CSMD1: variants seen among roughly 807,000 people sequenced by gnomAD.
CSMD1 encodes the protein CUB and Sushi multiple domains 1, also known as CUB and sushi domain-containing protein 1.
In CSMD1, 213 loss-of-function variants were observed where a neutral mutation model predicts 417.5. The ratio of observed to expected loss-of-function variants is 0.51; its 90% CI spans 0.46 to 0.57. The LOEUF (loss-of-function observed/expected upper bound fraction) is 0.57. Ranked by LOEUF, CSMD1 falls within the 20% of genes least tolerant of loss-of-function variation. CSMD1 has a pLI of 0.00. For missense variants in CSMD1, 6,923 were observed against 4,529.7 expected (o/e 1.53, Z -15.17); for synonymous variants, 2,862 against 1,736.8 (o/e 1.65, Z -16.11).
In CSMD1 at chr8:4,143,169, T is replaced by C. The variant is rs1338037362; in HGVS notation, c.416-111070A>G. Among the ~76,000 whole-genome samples the C allele has an allele frequency of 3.3e-5, 5 of 151,044 alleles. No homozygotes were observed. The South Asian group carries it at 8.3e-4, about 25-fold the overall frequency. ...AAACAAATGCACTAGCAAATGTGAG[T>C]GTTCAAAACAGGTAAGTGCTGAGAA... On this transcript the variant is annotated intron_variant, in intron 3 of 69. Transcript: ENST00000635120.
At chr8:3,448,953 A>T (rs916691109) in intron 12 of CSMD1, among the ~76,000 whole-genome samples, 1 of 152,248 alleles carries the variant, frequency 6.6e-6, no homozygotes, top group African/African-American at 2.4e-5. Context: ...GTAGGAAAGA[A>T]GGTGACAGCC....
At chr8:4,056,536 A>C (rs936573373) in intron 3 of CSMD1, among the ~76,000 whole-genome samples, 1 of 151,282 alleles carries the variant, frequency 6.6e-6, no homozygotes, top group East Asian at 1.9e-4. Flanking sequence ...TTTCAATTTT[A>C]TTATTATTAT....
intron 54 of CSMD1, among the ~76,000 whole-genome samples, chr8:2,991,991 C>T (rs1806428214): frequency 6.6e-6 from 1 of 152,172 alleles, no homozygotes; most frequent in Non-Finnish European, 1.5e-5. Context: ...TCAGTATAAA[C>T]ATAACAGATT....
intron 10 of CSMD1, among the ~76,000 whole-genome samples, chr8:3,516,566 A>G (rs893532654): frequency 6.6e-6 from 1 of 152,170 alleles, no homozygotes; most frequent in African/African-American, 2.4e-5. Context: ...CTGCTTGAAA[A>G]TCTTTCAGTG....
chr8:4,033,047 A>G (rs537452448), intron 3 of CSMD1, among the ~76,000 whole-genome samples: 5 of 148,060 alleles, frequency 3.4e-5, no homozygotes, highest in African/African-American at 1.3e-4. Context: ...TCTCTTCAAT[A>G]CTTTCTTCTA....
intron 3 of CSMD1, among the ~76,000 whole-genome samples, chr8:4,168,216 C>G (rs539430147): frequency 2.1e-4 from 32 of 151,604 alleles, no homozygotes; most frequent in Admixed American, 3.9e-4. Flanking sequence ...CATATACACA[C>G]ACATATATAC....
chr8:2,976,624 C>G (rs919507662), intron 55 of CSMD1, among the ~76,000 whole-genome samples: 9 of 152,312 alleles, frequency 5.9e-5, no homozygotes, highest in African/African-American at 1.7e-4. Context: ...GCTGGGATTA[C>G]AGGTGTGAGT....
At chr8:4,285,721 C>G (rs10086473) in intron 3 of CSMD1, among the ~76,000 whole-genome samples, 1 of 152,136 alleles carries the variant, frequency 6.6e-6, no homozygotes, top group Non-Finnish European at 1.5e-5. Flanking sequence ...GTCAGGGCCA[C>G]AGGCTTCTCA....
At chr8:3,984,407 T>C (rs1317604817) in intron 5 of CSMD1, among the ~76,000 whole-genome samples, 1 of 152,078 alleles carries the variant, frequency 6.6e-6, no homozygotes, top group African/African-American at 2.4e-5. Flanking sequence ...AACTGGTGAG[T>C]ACTTTTGGTT....
intron 5 of CSMD1, among the ~76,000 whole-genome samples, chr8:3,995,570 C>G (rs925701535): frequency 6.6e-6 from 1 of 152,104 alleles, no homozygotes. Flanking sequence ...AAGAAAATGC[C>G]GTGGAGTCAG....
chr8:3,514,547 T>C (rs1330222185), intron 10 of CSMD1, among the ~76,000 whole-genome samples: 1 of 152,170 alleles, frequency 6.6e-6, no homozygotes, highest in African/African-American at 2.4e-5. Context: ...CACAAATAAA[T>C]AATATGTTAT....
At chr8:4,653,373 A>G (rs1279672064) in intron 1 of CSMD1, among the ~76,000 whole-genome samples, 1 of 152,102 alleles carries the variant, frequency 6.6e-6, no homozygotes, top group African/African-American at 2.4e-5. Flanking sequence ...GTGCTGCAGT[A>G]GAAACATTTT....
intron 54 of CSMD1, among the ~76,000 whole-genome samples, chr8:2,984,347 T>C (rs1805674311): frequency 6.6e-6 from 1 of 152,050 alleles, no homozygotes; most frequent in Non-Finnish European, 1.5e-5. Flanking sequence ...GCTATTTATT[T>C]ACTTTTTCTT....
At chr8:4,674,213 G>A (rs1444683758) in intron 1 of CSMD1, among the ~76,000 whole-genome samples, 1 of 152,142 alleles carries the variant, frequency 6.6e-6, no homozygotes, top group South Asian at 2.1e-4. Context: ...ACAATTATTT[G>A]TTCACTGGAG....
Position 4,118,676 on chromosome 8 carries a change from C to T in CSMD1, c.416-86577G>A, listed in dbSNP as rs536198736. On this transcript the variant is annotated intron_variant, in intron 3 of 69. Transcript: ENST00000635120. ...AAATTAGTTCAACCATTGTGGAAGA[C>T]AGTGTGGTGATTGCTCAAGGATCTA... Among the ~76,000 whole-genome samples, 3 of 152,282 alleles carry T rather than the reference C, an allele frequency of 2.0e-5. No homozygotes were observed. The East Asian group carries it at 5.8e-4, about 29-fold the overall frequency.
At chr8:4,876,940 A>G (rs1554508690) in intron 1 of CSMD1, among the ~76,000 whole-genome samples, 1 of 152,108 alleles carries the variant, frequency 6.6e-6, no homozygotes, top group Non-Finnish European at 1.5e-5. Flanking sequence ...GCACACAAAA[A>G]TTATTACACA....
intron 1 of CSMD1, among the ~76,000 whole-genome samples, chr8:4,696,553 G>A (rs1446381290): frequency 2.6e-5 from 4 of 152,176 alleles, no homozygotes; most frequent in Non-Finnish European, 4.4e-5. Flanking sequence ...AATATTTGGG[G>A]AGGCTACAGA....
chr8:3,847,340 TC>T (rs1474133334), intron 5 of CSMD1, among the ~76,000 whole-genome samples: 1 of 152,070 alleles, frequency 6.6e-6, no homozygotes, highest in Non-Finnish European at 1.5e-5. Context: ...TTAAAAGTGT[TC>T]CAAGTCAGAG....
chr8:3,723,471 A>G (rs886170969), intron 6 of CSMD1, among the ~76,000 whole-genome samples: 15 of 152,174 alleles, frequency 9.9e-5, no homozygotes, highest in African/African-American at 3.6e-4. Flanking sequence ...CTACCTTAGG[A>G]TCCTGTGTAT....
Sources: allele counts gnomAD v4.1 joint callset (sites outside exome capture counted in the v4.1 genomes callset), GRCh38; gene constraint gnomAD v4.1.1; transcripts MANE v1.5; gene names NCBI Gene and HGNC (gene_info 2026-07-23, HGNC 2026-07-21).